EYA1: variants seen among roughly 807,000 people sequenced by gnomAD.
EYA1 encodes protein phosphatase EYA1.
Under a neutral mutation model 82.0 loss-of-function variants are expected in EYA1, and 16 were observed. The ratio of observed to expected loss-of-function variants is 0.20; its 90% CI spans 0.13 to 0.30. EYA1 has a LOEUF of 0.30. Ranked by LOEUF, EYA1 falls within the 10% of genes least tolerant of loss-of-function variation. The pLI is 1.00. For missense variants in EYA1, 633 were observed against 730.7 expected (o/e 0.87, Z 1.54); for synonymous variants, 261 against 264.4 (o/e 0.99, Z 0.12).
chr8:71,201,227 TA>T (rs112569504), intron 17 of EYA1, among the ~76,000 whole-genome samples: 62 of 139,286 alleles, frequency 4.5e-4, no homozygotes, highest in African/African-American at 1.4e-3. Flanking sequence ...TTGTACTAGT[TA>T]AAAAAAAAAG....
chr8:71,279,592 G>C (rs1817587839), intron 9 of EYA1, among the ~76,000 whole-genome samples: 1 of 152,152 alleles, frequency 6.6e-6, no homozygotes, highest in African/African-American at 2.4e-5. Flanking sequence ...GTTTTCCTAT[G>C]GGGGAAAACA....
At chr8:71,511,161 A>C (rs889959029) in intron 2 of EYA1, among the ~76,000 whole-genome samples, 1 of 152,178 alleles carries the variant, frequency 6.6e-6, no homozygotes, top group African/African-American at 2.4e-5. Context: ...AAAAAATAAG[A>C]TCATGTGAAG....
rs769041202 is a variant in EYA1, at chr8:71,321,823, C to T, written c.329G>A (p.Gly110Glu). The T allele has an allele frequency of 1.2e-6, 2 of 1,614,210 alleles. No homozygotes were observed. The highest frequency in any genetic ancestry group is 1.7e-6 in the Non-Finnish European group (2 of 1,180,050). ...TPSSQTMAAY[G>E]QTQFTTGMQQ... ...CATTCCTGTGGTAAACTGTGTTTGCCCATATGCAGCCATAGTTTGTGAGGA... is the reference window on the plus strand; with the variant it reads ...CATTCCTGTGGTAAACTGTGTTTGCTCATATGCAGCCATAGTTTGTGAGGA... The change falls in exon 6 of 18, where the codon GGG (glycine) becomes GAG (glutamate). Residue 110 changes from glycine (G) to glutamate (E), a missense_variant. Transcript: ENST00000340726.
chr8:71,301,421 G>A (rs1820186292), intron 7 of EYA1, among the ~76,000 whole-genome samples: 1 of 152,162 alleles, frequency 6.6e-6, no homozygotes, highest in Non-Finnish European at 1.5e-5. Context: ...ATGGCAGCAA[G>A]CACTTGTAAA....
Position 71,322,052 on chromosome 8 carries a change from A to G in EYA1, c.272+147T>C, listed in dbSNP as rs984407636. ...CAGTGTCTCCACTACATGATGCTCA[A>G]AATAAATTTGTATCAATATGTTTAC... On this transcript the variant is annotated intron_variant, in intron 5 of 17. Coordinates refer to ENST00000340726, the MANE Select transcript of EYA1 (RefSeq NM_000503.6). 1.8e-5 allele frequency: 20 copies of G among 1,112,676 alleles called. No homozygotes were observed. The African/African-American group carries it at 3.1e-4, about 17-fold the overall frequency. The allele number at this position is 1,112,676 out of a possible 1,614,324, so 68.9% of individuals were successfully genotyped here. A position where few individuals can be genotyped will look rare whatever the true frequency, so the allele number is the denominator to read the frequency against.
upstream of EYA1, chr8:71,362,371 A>T (rs1465850283): frequency 9.9e-6 from 2 of 201,090 alleles, no homozygotes; most frequent in African/African-American, 4.7e-5. Context: ...GACGTGGTCA[A>T]CACACACGCG....
At chr8:71,545,123 C>G (rs945994305) in intron 1 of EYA1, among the ~76,000 whole-genome samples, 5 of 152,234 alleles carry the variant, frequency 3.3e-5, no homozygotes, top group African/African-American at 1.2e-4. Flanking sequence ...GTCTGTAACT[C>G]TGGCACTTAT....
chr8:71,232,861 A>G (rs558455960), intron 12 of EYA1, among the ~76,000 whole-genome samples: 1 of 152,214 alleles, frequency 6.6e-6, no homozygotes, highest in African/African-American at 2.4e-5. Context: ...AAGACACTCA[A>G]TGGACAATAA....
intron 10 of EYA1, 102 bp downstream of exon 10, chr8:71,271,656 A>T: frequency 7.9e-7 from 1 of 1,273,616 alleles, no homozygotes. Context: ...TAACAAAAGC[A>T]TCTGATACCT....
intron 3 of EYA1, among the ~76,000 whole-genome samples, chr8:71,346,041 C>G (rs1825666000): frequency 6.6e-6 from 1 of 151,840 alleles, no homozygotes; most frequent in African/African-American, 2.4e-5. Flanking sequence ...CACACTCACT[C>G]TTCTGCCATT....
intron 2 of EYA1, among the ~76,000 whole-genome samples, chr8:71,519,743 C>T (rs1391033263): frequency 2.6e-5 from 4 of 151,522 alleles, no homozygotes; most frequent in Non-Finnish European, 5.9e-5. Context: ...TCAGTCAAAA[C>T]ATTCCAGACT....
chr8:71,250,854 G>C (rs1813667466), intron 11 of EYA1, among the ~76,000 whole-genome samples: 3 of 152,124 alleles, frequency 2.0e-5, no homozygotes, highest in Admixed American at 6.5e-5. Context: ...AATAAATAGA[G>C]AATATTTCAA....
At chr8:71,226,007 T>C (rs1342505860) in intron 12 of EYA1, among the ~76,000 whole-genome samples, 1 of 152,196 alleles carries the variant, frequency 6.6e-6, no homozygotes, top group Admixed American at 6.5e-5. Context: ...TTCTATTTAT[T>C]AATATTCATA....
chr8:71,230,656 G>C (rs1811087981), intron 12 of EYA1, among the ~76,000 whole-genome samples: 1 of 152,174 alleles, frequency 6.6e-6, no homozygotes. Context: ...AGACCACACT[G>C]TTCCTGGTAG....
chr8:71,546,511 A>ATTT lies in EYA1; in HGVS notation c.-73+1350_-73+1352dup, dbSNP rs35757925. Among the ~76,000 whole-genome samples, 361 of 138,560 alleles carry ATTT rather than the reference A, an allele frequency of 2.6e-3. 3 individuals carry two copies. The highest frequency in any genetic ancestry group is 9.1e-3 in the African/African-American group (342 of 37,508). 90.9% of individuals were successfully genotyped at this position (138,560 alleles called of 152,430 possible). On this transcript the variant is annotated intron_variant, in intron 1 of 18. Coordinates refer to the EYA1 transcript ENST00000643681. ...TAGTAGACACTTTCTACTGATTCTTATTTTTTTTTTTTTTTTGAACGCTCT... is the reference window on the plus strand; with the variant it reads ...TAGTAGACACTTTCTACTGATTCTTATTTTTTTTTTTTTTTTTTTGAACGCTCT...
intron 2 of EYA1, among the ~76,000 whole-genome samples, chr8:71,408,267 C>G (rs763967563): frequency 1.3e-5 from 2 of 152,114 alleles, no homozygotes; most frequent in Non-Finnish European, 2.9e-5. Context: ...GCTGCAAAAT[C>G]ATGCCAAAAT....
At chr8:71,230,294 T>G (rs1180489540) in intron 12 of EYA1, among the ~76,000 whole-genome samples, 1 of 152,214 alleles carries the variant, frequency 6.6e-6, no homozygotes, top group Non-Finnish European at 1.5e-5. Context: ...AGATTGAAGA[T>G]TAGCAAGCAC....
chr8:71,441,901 A>G (rs1038007275), intron 2 of EYA1, among the ~76,000 whole-genome samples: 1 of 152,174 alleles, frequency 6.6e-6, no homozygotes, highest in Admixed American at 6.5e-5. Context: ...GACATGAGAT[A>G]TCTCTGTTTC....
At chr8:71,440,075 C>T (rs1302900753) in intron 2 of EYA1, among the ~76,000 whole-genome samples, 2 of 152,012 alleles carry the variant, frequency 1.3e-5, no homozygotes, top group Admixed American at 6.6e-5. Flanking sequence ...TGCTAGTGGA[C>T]GTTTTCTATT....
Sources: allele counts gnomAD v4.1 joint callset (sites outside exome capture counted in the v4.1 genomes callset), GRCh38; gene constraint gnomAD v4.1.1; transcripts MANE v1.5; gene names NCBI Gene and HGNC (gene_info 2026-07-23, HGNC 2026-07-21).